The following BDP1 variants were observed in gnomAD, a reference collection of about 807,000 sequenced individuals.
The protein encoded by BDP1 is BDP1 general transcription factor IIIB subunit, also known as transcription factor TFIIIB component B'' homolog.
BDP1 carries 169 observed loss-of-function variants against 266.6 expected under a neutral mutation model. The ratio of observed to expected loss-of-function variants is 0.63; its 90% confidence interval spans 0.56 to 0.72. BDP1 has a LOEUF of 0.72. Among genes scored for constraint, BDP1 ranks in the 30% least tolerant of loss-of-function variants. BDP1 has a pLI of 0.00. For missense variants in BDP1, 3,015 were observed against 3,053.8 expected, an observed-to-expected ratio of 0.99 and a Z score of 0.30; for synonymous variants, 1,090 against 1,022.4, an observed-to-expected ratio of 1.07 and a Z score of -1.26.
intron 6 of BDP1, 44 bp from the exon 7 acceptor site, chr5:71,470,351 G>T: frequency 7.6e-7 from 1 of 1,324,000 alleles, no homozygotes; most frequent in Non-Finnish European, 1.1e-6. Context: ...CTGAAATATT[G>T]ATATAATTAA....
intron 28 of BDP1, among the ~76,000 whole-genome samples, chr5:71,540,168 AT>A (rs1322915613): frequency 6.6e-6 from 1 of 152,232 alleles, no homozygotes; most frequent in Non-Finnish European, 1.5e-5. Flanking sequence ...TTAGATGGAA[AT>A]CACAGACAAG....
rs751072218 is a variant in BDP1 at position 71,512,392 on chromosome 5, C to T, written c.4211C>T (p.Pro1404Leu). The T allele has an allele frequency of 7.0e-6, 11 of 1,577,004 alleles. No individual in the cohort carries two copies. In the South Asian group the frequency reaches 1.2e-4, roughly 17 times the overall value. The change falls in exon 18 of 39, where the codon CCA (proline) becomes CTA (leucine). Residue 1404 changes from proline to leucine, a missense_variant. By Grantham distance (98) the Pro-to-Leu change is moderately conservative (BLOSUM62 -3). This residue lies in a region of BDP1 where 2,383 missense variants were observed against 2,404.9 expected (regional missense o/e 0.99). Coordinates refer to ENST00000358731, the MANE Select transcript of BDP1 (RefSeq NM_018429.3). The part of the protein sequence containing the change: ...DKTEVQGIQS[P>L]DVPEQFSDIN... ...ACAGAAGTCCAGGGGATTCAATCTC[C>T]AGATGTTCCAGAGCAGTTTTCAGAT...
At chr5:71,535,385 A>G (rs1046329495) in intron 26 of BDP1, among the ~76,000 whole-genome samples, 2 of 151,538 alleles carry the variant, frequency 1.3e-5, no homozygotes, top group African/African-American at 4.9e-5. Context: ...TTGTATTTTT[A>G]GTAGAGATGG....
chr5:71,518,162 CT>C (rs1318442643), intron 22 of BDP1, among the ~76,000 whole-genome samples: 2 of 152,138 alleles, frequency 1.3e-5, no homozygotes, highest in Non-Finnish European at 1.5e-5. Context: ...GTAAAAACGC[CT>C]TTCCTTTCTG....
chr5:71,496,523 A>G (rs948827786), intron 12 of BDP1, among the ~76,000 whole-genome samples: 1 of 148,740 alleles, frequency 6.7e-6, no homozygotes, highest in African/African-American at 2.5e-5. Context: ...TTGCAACCTC[A>G]ACCTCCCAGG....
downstream of BDP1, among the ~76,000 whole-genome samples, chr5:71,571,497 C>G (rs899123481): frequency 6.6e-6 from 1 of 152,184 alleles, no homozygotes; most frequent in Admixed American, 6.5e-5. Flanking sequence ...GAATCCATTC[C>G]AACATCCTCA....
chr5:71,496,373 G>A (rs1052324504), intron 12 of BDP1, among the ~76,000 whole-genome samples: 9 of 150,732 alleles, frequency 6.0e-5, no homozygotes, highest in South Asian at 4.2e-4. Context: ...TTCAAACATC[G>A]AAAAGTATAA....
At chr5:71,504,876 T>A in intron 16 of BDP1, 125 bp downstream of exon 16, 2 of 837,016 alleles carry the variant, frequency 2.4e-6, no homozygotes, top group Non-Finnish European at 3.8e-6. Flanking sequence ...ATGTAGTGTT[T>A]AAAAATATAA....
intron 5 of BDP1, among the ~76,000 whole-genome samples, chr5:71,467,148 G>T (rs1013223943): frequency 7.2e-5 from 11 of 152,172 alleles, no homozygotes; most frequent in African/African-American, 2.7e-4. Context: ...TTTTGAAAAT[G>T]AGTTGACATT....
intron 36 of BDP1, among the ~76,000 whole-genome samples, chr5:71,557,282 C>T (rs1743287022): frequency 6.6e-6 from 1 of 151,918 alleles, no homozygotes; most frequent in Admixed American, 6.6e-5. Context: ...AATCACAGCT[C>T]ACTGCAGCCT....
intron 21 of BDP1, among the ~76,000 whole-genome samples, chr5:71,517,102 C>G (rs1765262632): frequency 6.6e-6 from 1 of 152,174 alleles, no homozygotes; most frequent in African/African-American, 2.4e-5. Context: ...TGGTATCTGC[C>G]TGTAATCCCA....
At chr5:71,519,396 A>G (rs1343715731) in intron 22 of BDP1, among the ~76,000 whole-genome samples, 1 of 152,210 alleles carries the variant, frequency 6.6e-6, no homozygotes, top group Non-Finnish European at 1.5e-5. Flanking sequence ...ACTACTGAAT[A>G]CCAGAACTTA....
Position 71,497,405 on chromosome 5 carries a change from T to A in BDP1, c.1935T>A (p.His645Gln). The change falls in exon 13 of 39, where the codon CAT (histidine) becomes CAA (glutamine). Residue 645 changes from histidine (H) to glutamine (Q), a missense_variant. Physicochemically the swap from His to Gln is conservative, Grantham distance 24. This residue lies in a region of BDP1 where 2,383 missense variants were observed against 2,404.9 expected (regional missense o/e 0.99). Transcript: ENST00000358731. ...CAGAGTCAGAGAGCAAGAATTCACA[T>A]TCAAAAACTTCAGTTGAAAAGGTAT... Reference protein sequence around the residue: ...GKTESESKNSHSKTSVEKNHV... With the variant: ...GKTESESKNSQSKTSVEKNHV... 1 of 1,613,098 alleles carries A rather than the reference T, an allele frequency of 6.2e-7. No homozygotes were observed. The highest frequency in any genetic ancestry group is 2.2e-5 in the East Asian group (1 of 44,820).
chr5:71,455,961 G>T lies in BDP1; in HGVS notation c.84G>T (p.Gln28His). 1 of 1,613,138 alleles carries T rather than the reference G, an allele frequency of 6.2e-7. No homozygotes were observed. Among genetic ancestry groups the T allele is most frequent in the Non-Finnish European group, 8.5e-7 (1 of 1,179,812 alleles). The change falls in exon 1 of 39, where the codon CAG becomes CAT. Residue 28 changes from glutamine (Q) to histidine (H), a missense_variant. Around this residue, in one of 3 missense-constraint regions of BDP1, gnomAD observed 2,383 missense variants for 2,404.9 expected, o/e 0.99. Transcript: ENST00000358731. The stretch of plus-strand genomic sequence containing the variant: ...GGGGCTCCACAGCTTCCAATCCCCA[G>T]CGTGGACGGGAGTCTCCCAGGCCGC... ...GARGSTASNPQRGRESPRPPD... is the reference protein window; with the variant it reads ...GARGSTASNPHRGRESPRPPD...
intron 33 of BDP1, 68 bp downstream of exon 33, chr5:71,548,813 A>C (rs1439397379): frequency 4.5e-6 from 5 of 1,118,914 alleles, no homozygotes; most frequent in Non-Finnish European, 6.7e-6. Context: ...TTATTTAACT[A>C]TGGAAAAACA....
intron 26 of BDP1, among the ~76,000 whole-genome samples, chr5:71,533,850 T>G (rs548226566): frequency 6.6e-6 from 1 of 152,342 alleles, no homozygotes; most frequent in East Asian, 1.9e-4. Flanking sequence ...ACTAATGATG[T>G]CAGGCACATT....
At chr5:71,539,331 T>C (rs1375912234) in intron 27 of BDP1, among the ~76,000 whole-genome samples, 3 of 152,194 alleles carry the variant, frequency 2.0e-5, no homozygotes, top group Non-Finnish European at 4.4e-5. Flanking sequence ...CTTGAAGATA[T>C]TATTTAATGG....
chr5:71,467,679 A>C (rs528287836), intron 6 of BDP1, among the ~76,000 whole-genome samples, 192 bp downstream of exon 6: 1 of 152,228 alleles, frequency 6.6e-6, no homozygotes, highest in South Asian at 2.1e-4. Flanking sequence ...ATCTTCAAAA[A>C]AATTTTATTT....
chr5:71,503,943 C>T (rs1241164332), intron 15 of BDP1, among the ~76,000 whole-genome samples: 2 of 151,356 alleles, frequency 1.3e-5, no homozygotes, highest in South Asian at 2.1e-4. Context: ...CCGTTGCACT[C>T]TAGCGTGGGT....
Sources: allele counts gnomAD v4.1 joint callset (sites outside exome capture counted in the v4.1 genomes callset), GRCh38; gene constraint gnomAD v4.1.1; regional missense constraint gnomAD v4.1.1; transcripts MANE v1.5; gene names NCBI Gene and HGNC (gene_info 2026-07-23, HGNC 2026-07-21).